GSG1L: variants seen among roughly 807,000 people sequenced by gnomAD.
GSG1L encodes the protein germ cell-specific gene 1-like protein.
A neutral mutation model predicts 42.1 loss-of-function variants in GSG1L; 24 were observed. That is an observed-to-expected ratio of 0.57 (90% CI 0.41 to 0.80). GSG1L has a LOEUF of 0.80. Among genes scored for constraint, GSG1L ranks in the 30% least tolerant of loss-of-function variants. GSG1L has a pLI of 0.00. For missense variants in GSG1L, 445 were observed against 472.2 expected (o/e 0.94, Z 0.53); for synonymous variants, 215 against 203.5 (o/e 1.06, Z -0.48).
intron 3 of GSG1L, among the ~76,000 whole-genome samples, chr16:27,862,433 G>A (rs1402457116): frequency 6.6e-6 from 1 of 152,196 alleles, no homozygotes; most frequent in Non-Finnish European, 1.5e-5. Flanking sequence ...CTCAGCTCTG[G>A]CCAACACCCT....
At chr16:27,993,924 A>G (rs950728242) in intron 1 of GSG1L, among the ~76,000 whole-genome samples, 2 of 152,232 alleles carry the variant, frequency 1.3e-5, no homozygotes, top group Non-Finnish European at 2.9e-5. Context: ...GGGCGAAGCT[A>G]CCAGAAATTC....
At chr16:28,012,849 A>G (rs1225830694) in intron 1 of GSG1L, among the ~76,000 whole-genome samples, 1 of 150,850 alleles carries the variant, frequency 6.6e-6, no homozygotes, top group Non-Finnish European at 1.5e-5. Context: ...GTGAGTTATG[A>G]TCATGCCACT....
chr16:27,808,978 G>A (rs576269651), intron 5 of GSG1L, among the ~76,000 whole-genome samples: 4 of 152,242 alleles, frequency 2.6e-5, no homozygotes, highest in South Asian at 2.1e-4. Context: ...CCCGAGAACC[G>A]GTGGGGTCAT....
At chr16:27,837,779 G>T (rs986989546) in intron 4 of GSG1L, among the ~76,000 whole-genome samples, 4 of 151,874 alleles carry the variant, frequency 2.6e-5, no homozygotes, top group Non-Finnish European at 4.4e-5. Flanking sequence ...TGAAGTTATT[G>T]CTAAATGTTT....
chr16:28,060,435 C>T (rs557955915), intron 1 of GSG1L, among the ~76,000 whole-genome samples: 1 of 152,176 alleles, frequency 6.6e-6, no homozygotes, highest in Non-Finnish European at 1.5e-5. Flanking sequence ...ATTTTCCAAG[C>T]TCTCAGAGAG....
At chr16:28,039,905 A>G (rs2086087928) in intron 1 of GSG1L, among the ~76,000 whole-genome samples, 2 of 152,134 alleles carry the variant, frequency 1.3e-5, no homozygotes, top group South Asian at 4.1e-4. Flanking sequence ...TTATACCTTC[A>G]TATGTCCAAA....
rs376624227 is a variant in GSG1L at position 27,879,947 on chromosome 16, T to C, written c.550+4539A>G. Among the ~76,000 whole-genome samples, 16 of 141,230 alleles carry C rather than the reference T, an allele frequency of 1.1e-4. No individual in the cohort carries two copies. The South Asian group carries it at 2.1e-3, about 19-fold the overall frequency. The allele number at this position is 141,230 out of a possible 152,430, so 92.7% of individuals were successfully genotyped here. The stretch of plus-strand genomic sequence containing the variant: ...CATGGCTGCAGAGGGCTGACTGTAA[T>C]TGGTTAGAGAAAGGGCTGCCCCAGT... On this transcript the variant is annotated intron_variant, in intron 3 of 6. Transcript: ENST00000447459.
At chr16:27,829,963 C>T (rs2083257376) in intron 4 of GSG1L, among the ~76,000 whole-genome samples, 2 of 152,166 alleles carry the variant, frequency 1.3e-5, no homozygotes, top group Admixed American at 1.3e-4. Flanking sequence ...TCCTCCACAA[C>T]TTTCTGTACA....
chr16:27,829,721 G>T (rs144239347), intron 4 of GSG1L, among the ~76,000 whole-genome samples: 5 of 152,034 alleles, frequency 3.3e-5, no homozygotes, highest in Middle Eastern at 3.2e-3. Context: ...ACCTCCTCAC[G>T]TTCATCGTAA....
At chr16:27,941,311 A>G (rs571128413) in intron 2 of GSG1L, among the ~76,000 whole-genome samples, 1 of 151,956 alleles carries the variant, frequency 6.6e-6, no homozygotes, top group East Asian at 2.0e-4. Flanking sequence ...TACCACCAAC[A>G]AAAAAACAAA....
At chr16:27,859,494 T>C (rs1439850751) in intron 3 of GSG1L, among the ~76,000 whole-genome samples, 1 of 152,150 alleles carries the variant, frequency 6.6e-6, no homozygotes, top group Non-Finnish European at 1.5e-5. Flanking sequence ...CAAGCAAATA[T>C]AGGGGCAGAG....
chr16:27,876,327 C>G (rs1432009347), intron 3 of GSG1L, among the ~76,000 whole-genome samples: 1 of 151,964 alleles, frequency 6.6e-6, no homozygotes, highest in Non-Finnish European at 1.5e-5. Flanking sequence ...AAGCACAAGA[C>G]CAAAAGTCAC....
At chr16:27,873,255 G>A (rs764081444) in intron 3 of GSG1L, among the ~76,000 whole-genome samples, 2 of 152,090 alleles carry the variant, frequency 1.3e-5, no homozygotes, top group African/African-American at 2.4e-5. Context: ...TACCTGACTT[G>A]GCCTGAACTT....
intron 1 of GSG1L, among the ~76,000 whole-genome samples, chr16:27,971,326 C>T (rs1425338268): frequency 6.6e-6 from 1 of 152,086 alleles, no homozygotes; most frequent in Non-Finnish European, 1.5e-5. Context: ...TTTCTTTTAA[C>T]AATGTTTTGT....
intron 2 of GSG1L, among the ~76,000 whole-genome samples, chr16:27,891,675 G>T (rs80051290): frequency 0.067 from 10,230 of 151,754 alleles, 654 homozygotes; most frequent in East Asian, 0.16. Flanking sequence ...GTCTCACTAT[G>T]TTGCTCAGGC....
intron 3 of GSG1L, among the ~76,000 whole-genome samples, chr16:27,870,740 C>T (rs1306601153): frequency 6.6e-6 from 1 of 151,542 alleles, no homozygotes; most frequent in Non-Finnish European, 1.5e-5. Flanking sequence ...CCATCATGGT[C>T]GCAGCCTGGC....
intron 2 of GSG1L, among the ~76,000 whole-genome samples, chr16:27,917,377 G>A (rs2084469826): frequency 6.6e-6 from 1 of 151,954 alleles, no homozygotes; most frequent in African/African-American, 2.4e-5. Context: ...AGAGGGGCGG[G>A]GGGAGAAGCT....
intron 1 of GSG1L, among the ~76,000 whole-genome samples, chr16:27,966,940 A>T (rs1174869453): frequency 1.3e-5 from 2 of 152,124 alleles, no homozygotes; most frequent in East Asian, 3.9e-4. Context: ...GGCACCTGAA[A>T]GCTCTCTGGT....
intron 2 of GSG1L, among the ~76,000 whole-genome samples, chr16:27,920,815 A>G (rs1293106366): frequency 1.3e-5 from 2 of 152,182 alleles, no homozygotes; most frequent in Non-Finnish European, 2.9e-5. Flanking sequence ...GTGTCCAGAC[A>G]GGGCTGAGCA....
Sources: allele counts gnomAD v4.1 joint callset (sites outside exome capture counted in the v4.1 genomes callset), GRCh38; gene constraint gnomAD v4.1.1; transcripts MANE v1.5; gene names NCBI Gene and HGNC (gene_info 2026-07-23, HGNC 2026-07-21).